CYP3A7: variants seen among roughly 807,000 people sequenced by gnomAD.
The protein encoded by CYP3A7 is cytochrome P450 family 3 subfamily A member 7.
CYP3A7 carries 45 observed loss-of-function variants against 55.2 expected under a neutral mutation model. The observed-to-expected ratio is 0.82, with a 90% confidence interval of 0.64 to 1.05. The LOEUF (loss-of-function observed/expected upper bound fraction) is 1.05. CYP3A7 is among the 50% of genes least tolerant of loss of function. The pLI is 0.00. For missense variants in CYP3A7, 548 were observed against 605.3 expected (o/e 0.91, Z 0.99); for synonymous variants, 180 against 207.4 (o/e 0.87, Z 1.13).
chr7:99,710,167 T>C (rs370005751), intron 10 of CYP3A7, among the ~76,000 whole-genome samples: 22 of 152,260 alleles, frequency 1.4e-4, no homozygotes, highest in African/African-American at 5.3e-4. Context: ...TTGGCAGAGG[T>C]CTGAAAACAG....
chr7:99,717,907 A>G (rs370354438), intron 4 of CYP3A7, among the ~76,000 whole-genome samples: 3 of 152,290 alleles, frequency 2.0e-5, no homozygotes, highest in African/African-American at 7.2e-5. Flanking sequence ...AGACAGGATC[A>G]ACACCTAGCA....
At position 99,709,244 on chromosome 7, in the gene CYP3A7, A is replaced by G. The variant is rs773416410; in HGVS notation, c.1044T>C (p.Asp348=). Residue 348 remains aspartate, a synonymous_variant, in exon 11 of 13, where the codon GAT becomes GAC. Transcript: ENST00000336374. ...VLPNKAPPTY[D]TVLQLEYLDM... is the part of the protein sequence containing the mutation. Reference sequence around the variant, plus strand: ...CAAGATACTCCAACTGTAGCACAGTATCATAGGTGGGTGGTGCCTGAAAAG... The same window carrying G: ...CAAGATACTCCAACTGTAGCACAGTGTCATAGGTGGGTGGTGCCTGAAAAG... 14 of 1,613,882 alleles carry G rather than the reference A, an allele frequency of 8.7e-6. No individual in the cohort carries two copies. In the South Asian group the frequency reaches 1.4e-4, roughly 16 times the overall value.
intron 12 of CYP3A7, among the ~76,000 whole-genome samples, chr7:99,707,100 A>G (rs892927642): frequency 1.3e-5 from 2 of 152,206 alleles, no homozygotes; most frequent in Non-Finnish European, 2.9e-5. Flanking sequence ...TAGGACTTGA[A>G]AGATAAGAAC....
Position 99,709,284 on chromosome 7 carries a change from G to C in CYP3A7, c.1027-23C>G, listed in dbSNP as rs368264525. ...TGCCTGAAAAGAAAGAAACAGATTT[G>C]GATAAATTGAGATTTTTGAATTAAC... On this transcript the variant is annotated intron_variant, in intron 10 of 12. Coordinates refer to ENST00000336374, the MANE Select transcript of CYP3A7 (RefSeq NM_000765.5). 88 of 1,610,678 alleles carry C rather than the reference G, an allele frequency of 5.5e-5. No homozygotes were observed. The East Asian group carries it at 8.7e-4, about 16-fold the overall frequency.
chr7:99,727,311 C>T (rs1371969460), intron 2 of CYP3A7, among the ~76,000 whole-genome samples: 1 of 152,228 alleles, frequency 6.6e-6, no homozygotes, highest in Non-Finnish European at 1.5e-5. Flanking sequence ...CACCCTAATA[C>T]TTTTAGAAGC....
intron 10 of CYP3A7, among the ~76,000 whole-genome samples, chr7:99,710,527 A>G (rs1007377709): frequency 3.3e-5 from 5 of 152,190 alleles, no homozygotes; most frequent in African/African-American, 1.2e-4. Flanking sequence ...AACCAGGGAG[A>G]GGACTGTTTT....
At position 99,709,228 on chromosome 7, in the gene CYP3A7, C is replaced by G; in HGVS notation, c.1060G>C (p.Glu354Gln). Residue 354 changes from glutamate to glutamine, a missense_variant, in exon 11 of 13, where the codon GAG (glutamate) becomes CAG (glutamine). Physicochemically the swap from Glu to Gln is conservative, Grantham distance 29. Coordinates refer to ENST00000336374, the MANE Select transcript of CYP3A7 (RefSeq NM_000765.5). ...TCATTCACCACCATGTCAAGATACT[C>G]CAACTGTAGCACAGTATCATAGGTG... ...PPTYDTVLQL[E>Q]YLDMVVNETL... The G allele has an allele frequency of 6.2e-7, 1 of 1,613,900 alleles. No homozygotes were observed. The highest frequency in any genetic ancestry group is 8.5e-7 in the Non-Finnish European group (1 of 1,179,916).
chr7:99,729,061 A>G (rs1814525730), intron 2 of CYP3A7, among the ~76,000 whole-genome samples: 1 of 152,184 alleles, frequency 6.6e-6, no homozygotes, highest in Admixed American at 6.5e-5. Flanking sequence ...CTTAAAGATA[A>G]AGACCAAAAA....
chr7:99,734,945 A>G, intron 1 of CYP3A7, 78 bp downstream of exon 1: 1 of 1,605,840 alleles, frequency 6.2e-7, no homozygotes. Context: ...GCTATTCAAA[A>G]CAGATAAGGG....
intron 2 of CYP3A7, among the ~76,000 whole-genome samples, chr7:99,723,287 G>T (rs1252560463): frequency 6.6e-6 from 1 of 152,106 alleles, no homozygotes; most frequent in East Asian, 1.9e-4. Flanking sequence ...ACTTGTTACT[G>T]CCCTGCCCCA....
rs200380597 is a variant in CYP3A7, at chr7:99,707,958, T to C, written c.1270A>G (p.Lys424Glu). 6.2e-7 allele frequency: 1 copy of C among 1,613,916 alleles called. No homozygotes were observed. Among genetic ancestry groups the C allele is most frequent in the Non-Finnish European group, 8.5e-7 (1 of 1,179,828 alleles). The change falls in exon 12 of 13, where the codon AAG (lysine) becomes GAG (glutamate). Residue 424 changes from lysine (K) to glutamate (E), a missense_variant. Coordinates refer to ENST00000336374, the MANE Select transcript of CYP3A7 (RefSeq NM_000765.5). ...FLPERFSKKN[K>E]DNIDPYIYTP... is the part of the protein sequence containing the mutation. ...TATATGTAAGGATCTATGTTGTCCT[T>C]GTTCTTTTTACTGAACCTGGTTCCA...
intron 2 of CYP3A7, among the ~76,000 whole-genome samples, chr7:99,728,010 T>C (rs945793139): frequency 1.3e-5 from 2 of 152,212 alleles, no homozygotes; most frequent in African/African-American, 2.4e-5. Flanking sequence ...AAGGCAACAA[T>C]TATGCTGATA....
At chr7:99,717,420 A>T in intron 5 of CYP3A7, 106 bp downstream of exon 5, 2 of 1,583,142 alleles carry the variant, frequency 1.3e-6, no homozygotes, top group Non-Finnish European at 1.7e-6. Context: ...AGGAAGCTCA[A>T]ATTCAGCAGA....
intron 1 of CYP3A7, among the ~76,000 whole-genome samples, chr7:99,733,773 T>C (rs1223322839): frequency 2.0e-5 from 3 of 152,242 alleles, no homozygotes; most frequent in African/African-American, 7.2e-5. Flanking sequence ...TGATCCTACC[T>C]GGATGCTTTT....
intron 2 of CYP3A7, among the ~76,000 whole-genome samples, chr7:99,729,528 C>T (rs1414322708): frequency 6.6e-6 from 1 of 152,146 alleles, no homozygotes; most frequent in Non-Finnish European, 1.5e-5. Flanking sequence ...TGAGCCCAAG[C>T]CTGCACGTGT....
chr7:99,720,493 A>G, intron 3 of CYP3A7, 81 bp from the exon 4 acceptor site: 1 of 1,472,320 alleles, frequency 6.8e-7, no homozygotes, highest in South Asian at 1.1e-5. Flanking sequence ...CCAGACTTTG[A>G]TCCGGACATT....
At chr7:99,709,364 T>C in intron 10 of CYP3A7, 103 bp from the exon 11 acceptor site, 1 of 1,497,646 alleles carries the variant, frequency 6.7e-7, no homozygotes. Context: ...AGAGAACAAC[T>C]CATACTGGCA....
Position 99,717,121 on chromosome 7 carries a change from A to G in CYP3A7, c.521+56T>C, listed in dbSNP as rs1813986602. Reference sequence around the variant, plus strand: ...ACAGCGGGAGTATCAGCTCCATAGCAGGCAGCTGGAGGGGCTCATGACAGC... The same window carrying G: ...ACAGCGGGAGTATCAGCTCCATAGCGGGCAGCTGGAGGGGCTCATGACAGC... On this transcript the variant is annotated intron_variant, in intron 6 of 12. Transcript: ENST00000336374. 2.5e-6 allele frequency: 4 copies of G among 1,607,902 alleles called. No homozygotes were observed. The Admixed American group carries it at 5.0e-5, about 20-fold the overall frequency.
chr7:99,716,591 C>G (rs1813957518), intron 6 of CYP3A7, among the ~76,000 whole-genome samples: 1 of 152,162 alleles, frequency 6.6e-6, no homozygotes, highest in African/African-American at 2.4e-5. Context: ...CTGCCCAGGA[C>G]AGGCTCAGAT....
Sources: gnomAD v4.1 joint callset for allele counts (sites outside exome capture counted in the v4.1 genomes callset) on GRCh38, gnomAD v4.1.1 for gene constraint, MANE v1.5 for transcripts, NCBI Gene and HGNC (gene_info 2026-07-23, HGNC 2026-07-21) for gene names.